The following KHDRBS2 variants were observed in gnomAD, a reference collection of about 807,000 sequenced individuals.
The protein encoded by KHDRBS2 is KH RNA binding domain containing, signal transduction associated 2.
A neutral mutation model predicts 44.3 loss-of-function variants in KHDRBS2; 26 were observed. The observed-to-expected ratio is 0.59, with a 90% CI of 0.43 to 0.81. KHDRBS2 has a LOEUF of 0.81. Among genes scored for constraint, KHDRBS2 ranks in the 40% least tolerant of loss-of-function variants. The pLI, the probability that KHDRBS2 is intolerant of heterozygous loss-of-function variation, is 0.00. For synonymous variants in KHDRBS2, 194 were observed against 151.1 expected (o/e 1.28, Z -2.08); for missense variants, 476 against 433.1 (o/e 1.10, Z -0.88).
intron 6 of KHDRBS2, among the ~76,000 whole-genome samples, chr6:61,791,440 G>A (rs1201222256): frequency 1.3e-5 from 2 of 151,276 alleles, no homozygotes; most frequent in African/African-American, 2.4e-5. Flanking sequence ...TATTATCATT[G>A]AATTATAAAT....
At chr6:62,109,871 A>G (rs938220901) in intron 2 of KHDRBS2, among the ~76,000 whole-genome samples, 6 of 151,960 alleles carry the variant, frequency 3.9e-5, no homozygotes, top group African/African-American at 1.4e-4. Context: ...ATATATAAAA[A>G]TTAACTAAAA....
chr6:61,779,563 ATGAC>A (rs1332253412), intron 6 of KHDRBS2, among the ~76,000 whole-genome samples: 1 of 152,192 alleles, frequency 6.6e-6, no homozygotes, highest in Admixed American at 6.5e-5. Flanking sequence ...AAGTTAAAGA[ATGAC>A]TGAGAACAAT....
intron 1 of KHDRBS2, among the ~76,000 whole-genome samples, chr6:62,256,885 T>C (rs1837476611): frequency 1.3e-5 from 2 of 152,024 alleles, no homozygotes; most frequent in Non-Finnish European, 2.9e-5. Context: ...TGTCTCCCCA[T>C]ATAGGGTTAA....
chr6:61,835,621 T>A (rs1196763734), intron 6 of KHDRBS2, among the ~76,000 whole-genome samples: 1 of 151,958 alleles, frequency 6.6e-6, no homozygotes, highest in Non-Finnish European at 1.5e-5. Flanking sequence ...GAATTTTGCT[T>A]ATGGCCTTAC....
At chr6:61,842,536 C>T (rs1793739807) in intron 6 of KHDRBS2, among the ~76,000 whole-genome samples, 1 of 152,124 alleles carries the variant, frequency 6.6e-6, no homozygotes, top group African/African-American at 2.4e-5. Context: ...TGTGAAATAG[C>T]ATTAGTATGC....
chr6:62,265,891 T>C (rs1839127914), intron 1 of KHDRBS2, among the ~76,000 whole-genome samples: 2 of 152,084 alleles, frequency 1.3e-5, no homozygotes, highest in Non-Finnish European at 1.5e-5. Context: ...TAAAAGCACC[T>C]TGTATAACCT....
At chr6:62,236,884 TA>T (rs1336647319) in intron 1 of KHDRBS2, among the ~76,000 whole-genome samples, 25 of 152,266 alleles carry the variant, frequency 1.6e-4, no homozygotes, top group African/African-American at 5.8e-4. Context: ...AAATCCTCAA[TA>T]AATTCATCAT....
chr6:62,270,828 G>A (rs1280118536), intron 1 of KHDRBS2, among the ~76,000 whole-genome samples: 7 of 152,040 alleles, frequency 4.6e-5, no homozygotes, highest in Non-Finnish European at 7.4e-5. Flanking sequence ...CTATGAGATC[G>A]TTGGTAAGAA....
intron 4 of KHDRBS2, among the ~76,000 whole-genome samples, chr6:61,938,261 GACA>G (rs201707585): frequency 1.7e-4 from 26 of 152,102 alleles, no homozygotes; most frequent in Admixed American, 1.6e-3. Context: ...AGTTGCAAAT[GACA>G]ACAACAACAA....
At chr6:61,546,709 G>T in the KHDRBS2 span, among the ~76,000 whole-genome samples, 2 of 151,984 alleles carry the variant, frequency 1.3e-5, no homozygotes, top group African/African-American at 2.4e-5. Context: ...GTAAATCAAA[G>T]AATAAATATT....
rs545873550 is a variant in KHDRBS2, at chr6:62,244,405, C to T, written c.91+41453G>A. ...TAAAGGAAGTTTAAATTCATCTGCCCGTGCTCCTAGTTCTGCTTTAAAAAA... is the reference window on the plus strand; with the variant it reads ...TAAAGGAAGTTTAAATTCATCTGCCTGTGCTCCTAGTTCTGCTTTAAAAAA... On this transcript the variant is annotated intron_variant, in intron 1 of 8. Transcript: ENST00000281156. Among the ~76,000 whole-genome samples, 5 of 152,010 alleles carry T rather than the reference C, an allele frequency of 3.3e-5. No individual in the cohort carries two copies. In the South Asian group the frequency reaches 8.3e-4, roughly 25 times the overall value.
intron 2 of KHDRBS2, among the ~76,000 whole-genome samples, chr6:62,091,834 A>T (rs1041333021): frequency 6.6e-6 from 1 of 152,150 alleles, no homozygotes; most frequent in African/African-American, 2.4e-5. Context: ...AGCACGGTTG[A>T]TAGTAACACT....
intron 6 of KHDRBS2, among the ~76,000 whole-genome samples, chr6:61,774,554 A>C (rs970143082): frequency 6.6e-6 from 1 of 152,172 alleles, no homozygotes; most frequent in African/African-American, 2.4e-5. Context: ...CAATTGCTTC[A>C]AAGAGAATAA....
At chr6:61,589,099 A>G in the KHDRBS2 span, among the ~76,000 whole-genome samples, 2 of 152,134 alleles carry the variant, frequency 1.3e-5, no homozygotes, top group Non-Finnish European at 2.9e-5. Flanking sequence ...AGGGAAGGAG[A>G]GCATTAGAAC....
At chr6:61,769,231 T>A (rs750059808) in intron 6 of KHDRBS2, among the ~76,000 whole-genome samples, 5 of 152,062 alleles carry the variant, frequency 3.3e-5, no homozygotes, top group Non-Finnish European at 5.9e-5. Flanking sequence ...GAGCCCAGCA[T>A]GAGCAACACA....
chr6:62,045,426 C>T (rs1317549965), intron 3 of KHDRBS2, among the ~76,000 whole-genome samples: 2 of 151,958 alleles, frequency 1.3e-5, no homozygotes, highest in East Asian at 3.9e-4. Context: ...TCTACTTGAT[C>T]ACTGTATCAA....
Position 61,894,851 on chromosome 6 carries a change from T to G in KHDRBS2, c.612-18A>C. 1.9e-6 allele frequency: 3 copies of G among 1,587,746 alleles called. No homozygotes were observed. The highest frequency in any genetic ancestry group is 1.1e-5 in the South Asian group (1 of 89,582). The stretch of plus-strand genomic sequence containing the variant: ...CACGGCCCCTAAGAGAAACAAGTCA[T>G]GTATAGATGAGAAACAGGTGATGAG... On this transcript the variant is annotated intron_variant, in intron 5 of 8. Transcript: ENST00000281156.
intron 6 of KHDRBS2, among the ~76,000 whole-genome samples, chr6:61,870,796 A>AG (rs1424312395): frequency 6.6e-6 from 1 of 152,198 alleles, no homozygotes; most frequent in African/African-American, 2.4e-5. Context: ...GACTATTAGA[A>AG]GAAAAACTAA....
chr6:61,771,331 T>C (rs1306251399), intron 6 of KHDRBS2, among the ~76,000 whole-genome samples: 2 of 152,058 alleles, frequency 1.3e-5, no homozygotes, highest in East Asian at 3.9e-4. Context: ...AATTCACACA[T>C]AACAATATTA....
Sources: gnomAD v4.1 joint callset for allele counts (sites outside exome capture counted in the v4.1 genomes callset) on GRCh38, gnomAD v4.1.1 for gene constraint, MANE v1.5 for transcripts, NCBI Gene and HGNC (gene_info 2026-07-23, HGNC 2026-07-21) for gene names.